MISP: variants seen among roughly 807,000 people sequenced by gnomAD.
The protein encoded by MISP is mitotic spindle positioning.
In MISP, 51 loss-of-function variants were observed where a neutral mutation model predicts 49.3. That is an observed-to-expected ratio of 1.03 (90% CI 0.83 to 1.31). The LOEUF (loss-of-function observed/expected upper bound fraction) is 1.31. Among genes scored for constraint, MISP ranks in the 50% most tolerant of loss-of-function variants. The probability of loss-of-function intolerance (pLI) is 0.00; values close to 1 mark genes in which losing one functional copy is unlikely to be tolerated. For synonymous variants in MISP, 444 were observed against 392.6 expected, an observed-to-expected ratio of 1.13 and a Z score of -1.55; for missense variants, 1,084 against 935.1, an observed-to-expected ratio of 1.16 and a Z score of -2.08.
intron 1 of MISP, among the ~76,000 whole-genome samples, chr19:754,764 C>T (rs1160623708): frequency 2.0e-5 from 3 of 152,056 alleles, no homozygotes; most frequent in Non-Finnish European, 4.4e-5. Flanking sequence ...CAGAGGAAGC[C>T]GTGGAGAAGC....
chr19:762,991 G>A (rs548161193), intron 4 of MISP, among the ~76,000 whole-genome samples: 11 of 152,232 alleles, frequency 7.2e-5, no homozygotes, highest in South Asian at 2.1e-4. Context: ...AGCTGAATCC[G>A]AAATGCCAAA....
At position 758,702 on chromosome 19, in the gene MISP, T is replaced by A; in HGVS notation, c.1756T>A (p.Ser586Thr). The A allele has an allele frequency of 7.4e-6, 12 of 1,613,484 alleles. No individual in the cohort carries two copies. The highest frequency in any genetic ancestry group is 1.0e-5 in the Non-Finnish European group (12 of 1,179,618). ...PTPDENSDQN[S>T]RSSSQASGIT... ...GCCAGATGAGAACTCTGACCAGAAC[T>A]CCAGGAGCTCCTCCCAGGCATCCGG... Residue 586 changes from serine (S) to threonine (T), a missense_variant, in exon 2 of 5, where the codon TCC (serine) becomes ACC (threonine). By Grantham distance (58) the Ser-to-Thr change is moderately conservative. Transcript: ENST00000215582.
At position 758,138 on chromosome 19, in the gene MISP, A is replaced by G. The variant is rs1599185044; in HGVS notation, c.1192A>G (p.Ile398Val). Residue 398 changes from isoleucine to valine, a missense_variant, in exon 2 of 5, where the codon ATC becomes GTC. Coordinates refer to ENST00000215582, the MANE Select transcript of MISP (RefSeq NM_173481.4). ...GLRRALSSDSILSPAPDARAA... is the reference protein window; with the variant it reads ...GLRRALSSDSVLSPAPDARAA... ...CCGGAGAGCCCTCAGCTCAGATTCC[A>G]TCCTCAGCCCGGCCCCAGATGCCCG... 1 of 1,611,380 alleles carries G rather than the reference A, an allele frequency of 6.2e-7. No homozygotes were observed. Among genetic ancestry groups the G allele is most frequent in the Non-Finnish European group, 8.5e-7 (1 of 1,179,198 alleles).
chr19:758,520 T>G lies in MISP; in HGVS notation c.1574T>G (p.Val525Gly). 1 of 1,614,108 alleles carries G rather than the reference T, an allele frequency of 6.2e-7. No homozygotes were observed. Among genetic ancestry groups the G allele is most frequent in the Non-Finnish European group, 8.5e-7 (1 of 1,179,970 alleles). Residue 525 changes from valine (V) to glycine (G), a missense_variant, in exon 2 of 5, where the codon GTC becomes GGC. By Grantham distance (109) the Val-to-Gly change is moderately radical. Coordinates refer to ENST00000215582, the MANE Select transcript of MISP (RefSeq NM_173481.4). ...CCCCAGCAGGCCCAAGTCCCCCATG[T>G]CTGGGGCTGGGAGGTGGCTGGGGCC... ...DEPQQAQVPHVWGWEVAGAPA... is the reference protein window; with the variant it reads ...DEPQQAQVPHGWGWEVAGAPA...
In MISP at chr19:759,379, T is replaced by C. The variant is rs550094449; in HGVS notation, c.1781-530T>C. 3.4e-5 allele frequency among the ~76,000 whole-genome samples: 5 copies of C among 148,256 alleles called. No homozygotes were observed. The East Asian group carries it at 1.0e-3, about 30-fold the overall frequency. ...TGCACCTTTTTGACAATATGAAATA[T>C]TCCTTGTGTCACTTTTAATGTTTTT... On this transcript the variant is annotated intron_variant, in intron 2 of 4. Coordinates refer to ENST00000215582, the MANE Select transcript of MISP (RefSeq NM_173481.4).
chr19:750,024 C>T (rs919716284), upstream of MISP, among the ~76,000 whole-genome samples: 3 of 151,998 alleles, frequency 2.0e-5, no homozygotes, highest in Non-Finnish European at 4.4e-5. Context: ...TCATAGACGG[C>T]GCTAGGCCCA....
upstream of MISP, among the ~76,000 whole-genome samples, chr19:749,778 C>G (rs977722834): frequency 6.6e-6 from 1 of 152,012 alleles, no homozygotes; most frequent in Non-Finnish European, 1.5e-5. Flanking sequence ...GAGCCGAGAT[C>G]GTGCCACTGC....
Position 757,027 on chromosome 19 carries a change from C to T in MISP, c.81C>T (p.Thr27=). The T allele has an allele frequency of 6.2e-7, 1 of 1,606,608 alleles. No homozygotes were observed. The highest frequency in any genetic ancestry group is 8.5e-7 in the Non-Finnish European group (1 of 1,176,730). The change falls in exon 2 of 5, where the codon ACC becomes ACT. Residue 27 remains threonine (T), a synonymous_variant. Coordinates refer to ENST00000215582, the MANE Select transcript of MISP (RefSeq NM_173481.4). ...RGTGLVLDGD[T]SYTYHLVCMG... ...CCGGCCTGGTGCTGGATGGAGACAC[C>T]AGCTACACATACCATCTGGTGTGCA...
rs1214294343 is a variant in MISP at position 758,030 on chromosome 19, G to A, written c.1084G>A (p.Glu362Lys). Residue 362 changes from glutamate to lysine, a missense_variant, in exon 2 of 5, where the codon GAG becomes AAG. Coordinates refer to ENST00000215582, the MANE Select transcript of MISP (RefSeq NM_173481.4). ...GGACATAGTACAGGAGACACAGCGTGAGGAAGACCACCGGCGGGAGGGCCT... is the reference window on the plus strand; with the variant it reads ...GGACATAGTACAGGAGACACAGCGTAAGGAAGACCACCGGCGGGAGGGCCT... ...QRDIVQETQR[E>K]EDHRREGLHV... 6 of 1,570,442 alleles carry A rather than the reference G, an allele frequency of 3.8e-6. No individual in the cohort carries two copies. The highest frequency in any genetic ancestry group is 1.2e-5 in the South Asian group (1 of 85,600).
chr19:754,657 T>C (rs1287351546), intron 1 of MISP, among the ~76,000 whole-genome samples: 4 of 152,142 alleles, frequency 2.6e-5, no homozygotes, highest in African/African-American at 9.7e-5. Context: ...AGACGGGTGC[T>C]GGGTACAAGG....
At chr19:748,735 G>A (rs1309039721), upstream of MISP, among the ~76,000 whole-genome samples, 2 of 152,212 alleles carry the variant, frequency 1.3e-5, no homozygotes, top group African/African-American at 4.8e-5. Flanking sequence ...TGTCTGTAGA[G>A]ACCAGTGTCA....
rs1162039270 is a variant in MISP, at chr19:758,566, G to A, written c.1620G>A (p.Lys540=). ...VAGAPALRLQ[K]SQSSDLLERE... is the part of the protein sequence containing the mutation. ...GGGCCCCTGCACTGAGGCTGCAGAA[G>A]TCCCAGTCATCTGATCTGCTGGAAA... The change falls in exon 2 of 5, where the codon AAG becomes AAA. Residue 540 remains lysine, a synonymous_variant. Transcript: ENST00000215582. 2.5e-6 allele frequency: 4 copies of A among 1,614,138 alleles called. No homozygotes were observed. In the African/African-American group the frequency reaches 5.3e-5, roughly 22 times the overall value.
Position 757,359 on chromosome 19 carries a change from A to G in MISP, c.413A>G (p.Asp138Gly). Residue 138 changes from aspartate to glycine, a missense_variant, in exon 2 of 5, where the codon GAC becomes GGC. By Grantham distance (94) the Asp-to-Gly change is moderately conservative. Coordinates refer to ENST00000215582, the MANE Select transcript of MISP (RefSeq NM_173481.4). ...AGDADPRRLC[D>G]LERERWAVIQ... ...GACGCTGACCCCAGGAGGCTGTGTG[A>G]CCTGGAGCGGGAGCGCTGGGCCGTC... is the stretch of plus-strand genomic sequence containing the variant. 1 of 1,613,338 alleles carries G rather than the reference A, an allele frequency of 6.2e-7. No individual in the cohort carries two copies. The highest frequency in any genetic ancestry group is 1.3e-5 in the African/African-American group (1 of 75,026).
intron 2 of MISP, 75 bp downstream of exon 2, chr19:758,801 G>A: frequency 7.6e-7 from 1 of 1,313,064 alleles, no homozygotes. Flanking sequence ...TGGGGAGGTG[G>A]AGTTTGAGGC....
chr19:749,210 A>G (rs548277537), upstream of MISP, among the ~76,000 whole-genome samples: 21 of 152,300 alleles, frequency 1.4e-4, no homozygotes, highest in African/African-American at 4.1e-4. Flanking sequence ...ACGTCTCCAC[A>G]GTGCCCCCAG....
chr19:748,636 C>T (rs1353386393), upstream of MISP, among the ~76,000 whole-genome samples: 1 of 152,208 alleles, frequency 6.6e-6, no homozygotes, highest in Non-Finnish European at 1.5e-5. Context: ...CTCACAGCCC[C>T]TGGGTGATGA....
rs571637637 is a variant in MISP, at chr19:757,306, G to T, written c.360G>T (p.Glu120Asp). The change falls in exon 2 of 5, where the codon GAG (glutamate) becomes GAT (aspartate). Residue 120 changes from glutamate (E) to aspartate (D), a missense_variant. Transcript: ENST00000215582. ...GCCCAGAGGACGGGGAGGACAAGGAGATGAAGACCTACCGCCTGGATGCTG... is the reference window on the plus strand; with the variant it reads ...GCCCAGAGGACGGGGAGGACAAGGATATGAAGACCTACCGCCTGGATGCTG... The part of the protein sequence containing the change: ...ALRPEDGEDK[E>D]MKTYRLDAGD... 6.2e-7 allele frequency: 1 copy of T among 1,613,944 alleles called. No homozygotes were observed. The highest frequency in any genetic ancestry group is 1.3e-5 in the African/African-American group (1 of 74,938).
chr19:754,791 G>C (rs900877900), intron 1 of MISP, among the ~76,000 whole-genome samples: 1 of 152,320 alleles, frequency 6.6e-6, no homozygotes, highest in East Asian at 1.9e-4. Flanking sequence ...AGGCAGCCTC[G>C]AGACAGAGAG....
chr19:751,845 A>G (rs2033464319), intron 1 of MISP, among the ~76,000 whole-genome samples: 1 of 152,198 alleles, frequency 6.6e-6, no homozygotes, highest in Non-Finnish European at 1.5e-5. Context: ...GATGGGAAAA[A>G]GGAACGGGGC....
Sources: allele counts gnomAD v4.1 joint callset (sites outside exome capture counted in the v4.1 genomes callset), GRCh38; gene constraint gnomAD v4.1.1; transcripts MANE v1.5; gene names NCBI Gene and HGNC (gene_info 2026-07-23, HGNC 2026-07-21).